The following KCNQ1 variants were observed in gnomAD, a reference collection of about 807,000 sequenced individuals.
The protein encoded by KCNQ1 is potassium voltage-gated channel subfamily Q member 1, also known as potassium voltage-gated channel subfamily KQT member 1.
In KCNQ1, 49 loss-of-function variants were observed where a neutral mutation model predicts 72.4. The ratio of observed to expected loss-of-function variants is 0.68; its 90% CI spans 0.54 to 0.86. The LOEUF (loss-of-function observed/expected upper bound fraction) is 0.86. Ranked by LOEUF, KCNQ1 falls within the 40% of genes least tolerant of loss-of-function variation. The pLI is 0.00. For synonymous variants in KCNQ1, 450 were observed against 412.6 expected (o/e 1.09, Z -1.10); for missense variants, 790 against 945.1 (o/e 0.84, Z 2.15).
chr11:2,445,288 C>G lies in KCNQ1; in HGVS notation c.190C>G (p.Pro64Ala). The G allele has an allele frequency of 7.4e-7, 1 of 1,350,792 alleles. No individual in the cohort carries two copies. Among genetic ancestry groups the G allele is most frequent in the Non-Finnish European group, 9.5e-7 (1 of 1,056,184 alleles). The allele number at this position is 1,350,792 out of a possible 1,614,324, so 83.7% of individuals were successfully genotyped here. A position where few individuals can be genotyped will look rare whatever the true frequency, so the allele number is the denominator to read the frequency against. ...IAPGAPGPAP[P>A]ASPAAPAAPP... ...GCCCGGCGCCCCAGGTCCCGCGCCC[C>G]CTGCGTCCCCGGCCGCGCCCGCCGC... Residue 64 changes from proline to alanine, a missense_variant, in exon 1 of 16, where the codon CCT becomes GCT. By Grantham distance (27) the Pro-to-Ala change is conservative. Around this residue, in one of 5 missense-constraint regions of KCNQ1, gnomAD observed 294 missense variants for 323.3 expected, o/e 0.91. Coordinates refer to ENST00000155840, the MANE Select transcript of KCNQ1 (RefSeq NM_000218.3).
chr11:2,789,375 G>A (rs972900870), intron 15 of KCNQ1, among the ~76,000 whole-genome samples: 1 of 152,198 alleles, frequency 6.6e-6, no homozygotes, highest in Non-Finnish European at 1.5e-5. Flanking sequence ...CACCAGGGTC[G>A]GGCTTTGCAT....
intron 1 of KCNQ1, among the ~76,000 whole-genome samples, chr11:2,466,442 T>C (rs2133589875): frequency 6.6e-6 from 1 of 152,242 alleles, no homozygotes; most frequent in South Asian, 2.1e-4. Flanking sequence ...CTCCTGGGCC[T>C]GGGGCTGTGG....
At position 2,682,471 on chromosome 11, in the gene KCNQ1, T is replaced by C. The variant is rs959167283; in HGVS notation, c.1514+20390T>C. The C allele has an allele frequency of 4.1e-5, 16 of 388,966 alleles. No individual in the cohort carries two copies. The highest frequency in any genetic ancestry group is 2.7e-4 in the African/African-American group (12 of 44,034). The allele number at this position is 388,966 out of a possible 1,614,324, so 24.1% of individuals were successfully genotyped here. A position where few individuals can be genotyped will look rare whatever the true frequency, so the allele number is the denominator to read the frequency against. On this transcript the variant is annotated intron_variant, in intron 11 of 15. Coordinates refer to ENST00000155840, the MANE Select transcript of KCNQ1 (RefSeq NM_000218.3). This position sits in a 1 kb window ranked among gnomAD's most constrained non-coding sequence, Gnocchi z 5.8. ...CCTGTCACGGACCCTCAGTGAATGT[T>C]TGACGAGTGAGTGAGTGAGTGAGTG... is the stretch of plus-strand genomic sequence containing the variant.
Position 2,464,536 on chromosome 11 carries a change from C to T in KCNQ1, c.386+19052C>T, listed in dbSNP as rs1846324629. Among the ~76,000 whole-genome samples the T allele has an allele frequency of 2.6e-5, 4 of 151,972 alleles. No homozygotes were observed. Among genetic ancestry groups the T allele is most frequent in the Admixed American group, 1.3e-4 (2 of 15,268 alleles). On this transcript the variant is annotated intron_variant, in intron 1 of 15. Transcript: ENST00000155840. This position sits in a 1 kb window ranked among gnomAD's most constrained non-coding sequence, Gnocchi z 5.0. ...CCTGGGTCCACATGGTGCTAGGGTC[C>T]CATGGGCTCCTGGCCCCTGGCTGCT...
At chr11:2,643,012 G>C in intron 10 of KCNQ1, 1 of 397,892 alleles carries the variant, frequency 2.5e-6, no homozygotes, top group Non-Finnish European at 4.4e-6. Flanking sequence ...ATTGTGGTCT[G>C]AGAAGATATG....
rs1333532564 is a variant in KCNQ1 at position 2,703,637 on chromosome 11, GAAGTGC to G, written c.1514+41558_1514+41563del. On this transcript the variant is annotated intron_variant, in intron 11 of 15. Transcript: ENST00000155840. The surrounding 1 kb of genome is among the most constrained non-coding windows in gnomAD (Gnocchi z 6.4). ...TAATTCTTTTGCATTTGCCAGCACA[GAAGTGC>G]AGATGGGGCCCAGAGCCCCGGCGGT... Among the ~76,000 whole-genome samples, 1 of 152,110 alleles carries G rather than the reference GAAGTGC, an allele frequency of 6.6e-6. No homozygotes were observed. Among genetic ancestry groups the G allele is most frequent in the Admixed American group, 6.5e-5 (1 of 15,284 alleles).
At chr11:2,466,630 G>A (rs919167599) in intron 1 of KCNQ1, among the ~76,000 whole-genome samples, 1 of 152,192 alleles carries the variant, frequency 6.6e-6, no homozygotes, top group African/African-American at 2.4e-5. Flanking sequence ...CAGGCCAGAA[G>A]TCCTCAGGAG....
chr11:2,576,470 C>T (rs1342947384), intron 6 of KCNQ1, among the ~76,000 whole-genome samples: 3 of 152,206 alleles, frequency 2.0e-5, no homozygotes, highest in Non-Finnish European at 4.4e-5. Context: ...TTTGCAAACA[C>T]GGGCTTCTCT....
chr11:2,738,850 G>A (rs139000132), intron 11 of KCNQ1, among the ~76,000 whole-genome samples: 2 of 152,318 alleles, frequency 1.3e-5, no homozygotes, highest in African/African-American at 2.4e-5. Flanking sequence ...GCCAAAGAGT[G>A]GGCTATCATC....
In KCNQ1 at chr11:2,602,294, G is replaced by A. The variant is rs185233214; in HGVS notation, c.1393+13440G>A. 4.6e-5 allele frequency among the ~76,000 whole-genome samples: 7 copies of A among 151,884 alleles called. No individual in the cohort carries two copies. The highest frequency in any genetic ancestry group is 4.2e-4 in the South Asian group (2 of 4,812). ...GAACTGTGAGAAAAAAAAAAAAAGCGTGTCTTGTTTTAAGCCACTAAGTTT... is the reference window on the plus strand; with the variant it reads ...GAACTGTGAGAAAAAAAAAAAAAGCATGTCTTGTTTTAAGCCACTAAGTTT... On this transcript the variant is annotated intron_variant, in intron 10 of 15. Coordinates refer to ENST00000155840, the MANE Select transcript of KCNQ1 (RefSeq NM_000218.3). This position sits in a 1 kb window ranked among gnomAD's most constrained non-coding sequence, Gnocchi z 4.8.
At chr11:2,841,560 C>T (rs1354531607) in intron 15 of KCNQ1, among the ~76,000 whole-genome samples, 1 of 152,184 alleles carries the variant, frequency 6.6e-6, no homozygotes, top group Non-Finnish European at 1.5e-5. Flanking sequence ...TGGTCGTGCC[C>T]TGTGGATACA....
intron 2 of KCNQ1, among the ~76,000 whole-genome samples, chr11:2,552,707 G>T (rs1410426312): frequency 6.7e-6 from 1 of 150,258 alleles, no homozygotes; most frequent in Non-Finnish European, 1.5e-5. Flanking sequence ...TCTCTCCCCA[G>T]TGCCTCATGC....
intron 15 of KCNQ1, among the ~76,000 whole-genome samples, chr11:2,793,200 A>G (rs1185233844): frequency 6.6e-6 from 1 of 152,204 alleles, no homozygotes; most frequent in Non-Finnish European, 1.5e-5. Context: ...GACAAACACA[A>G]GGGCTCTTGT....
At chr11:2,760,293 G>T (rs1010435178) in intron 11 of KCNQ1, among the ~76,000 whole-genome samples, 1 of 152,184 alleles carries the variant, frequency 6.6e-6, no homozygotes, top group Non-Finnish European at 1.5e-5. Context: ...GCAGGCGGGC[G>T]TGGAGGAGCT....
chr11:2,626,449 G>T lies in KCNQ1; in HGVS notation c.1394-35512G>T, dbSNP rs563957625. The T allele has an allele frequency of 7.5e-6, 3 of 398,530 alleles. No individual in the cohort carries two copies. The Admixed American group carries it at 1.3e-4, about 18-fold the overall frequency. 24.7% of individuals were successfully genotyped at this position (398,530 alleles called of 1,614,324 possible). ...CATGTATACAAGGGTTTATTTTTGG[G>T]CTCTCTATTCAATTCCATTGGTCTC... On this transcript the variant is annotated intron_variant, in intron 10 of 15. Transcript: ENST00000155840. This position sits in a 1 kb window ranked among gnomAD's most constrained non-coding sequence, Gnocchi z 4.0.
Position 2,493,966 on chromosome 11 carries a change from A to T in KCNQ1, c.387-33962A>T, listed in dbSNP as rs1225190229. On this transcript the variant is annotated intron_variant, in intron 1 of 15. Coordinates refer to ENST00000155840, the MANE Select transcript of KCNQ1 (RefSeq NM_000218.3). The surrounding 1 kb of genome is among the most constrained non-coding windows in gnomAD (Gnocchi z 5.3). ...TATGGCCATTTTCATGATACTGATT[A>T]TTCCTATCCATGAGCATGGAATTTT... Among the ~76,000 whole-genome samples the T allele has an allele frequency of 6.6e-6, 1 of 151,878 alleles. No individual in the cohort carries two copies. The highest frequency in any genetic ancestry group is 2.4e-5 in the African/African-American group (1 of 41,248).
Position 2,645,615 on chromosome 11 carries a change from G to T in KCNQ1, c.1394-16346G>T. Reference sequence around the variant, plus strand: ...GCTTCGGCCCCAGGTGGTGACTATGGGCAGGGTCACCTTTCCTCATGGCAG... The same window carrying T: ...GCTTCGGCCCCAGGTGGTGACTATGTGCAGGGTCACCTTTCCTCATGGCAG... On this transcript the variant is annotated intron_variant, in intron 10 of 15. Transcript: ENST00000155840. The surrounding 1 kb of genome is among the most constrained non-coding windows in gnomAD (Gnocchi z 5.8). 2.5e-6 allele frequency: 1 copy of T among 398,740 alleles called. No individual in the cohort carries two copies. Among genetic ancestry groups the T allele is most frequent in the South Asian group, 1.3e-4 (1 of 7,862 alleles). 24.7% of individuals were successfully genotyped at this position (398,740 alleles called of 1,614,324 possible).
chr11:2,744,695 G>T (rs1164345053), intron 11 of KCNQ1, among the ~76,000 whole-genome samples: 1 of 152,212 alleles, frequency 6.6e-6, no homozygotes, highest in Admixed American at 6.5e-5. Flanking sequence ...AAATTACGGT[G>T]TACCGAATGC....
In KCNQ1 at chr11:2,658,332, GTTTA is replaced by G. The variant is rs1464104164; in HGVS notation, c.1394-3624_1394-3621del. On this transcript the variant is annotated intron_variant, in intron 10 of 15. Coordinates refer to ENST00000155840, the MANE Select transcript of KCNQ1 (RefSeq NM_000218.3). This position sits in a 1 kb window ranked among gnomAD's most constrained non-coding sequence, Gnocchi z 4.9. ...GAAGATTTGTCCCTCTCCTCCAATT[GTTTA>G]TTTAATTTTATCAGTGTGGATTTGG... 9 of 398,170 alleles carry G rather than the reference GTTTA, an allele frequency of 2.3e-5. No individual in the cohort carries two copies. Among genetic ancestry groups the G allele is most frequent in the Non-Finnish European group, 4.0e-5 (9 of 225,986 alleles). 24.7% of individuals were successfully genotyped at this position (398,170 alleles called of 1,614,324 possible).
Sources: gnomAD v4.1 joint callset for allele counts (sites outside exome capture counted in the v4.1 genomes callset) on GRCh38, gnomAD v4.1.1 for gene constraint, gnomAD v4.1.1 regional missense constraint, Gnocchi (gnomAD v3.1) non-coding constraint, MANE v1.5 for transcripts, NCBI Gene and HGNC (gene_info 2026-07-23, HGNC 2026-07-21) for gene names.